KYAT1: variants seen among roughly 807,000 people sequenced by gnomAD.
KYAT1 encodes the protein kynurenine aminotransferase 1.
KYAT1 carries 47 observed loss-of-function variants against 52.4 expected under a neutral mutation model. That is an observed-to-expected ratio of 0.90 (90% CI 0.71 to 1.14). The LOEUF is 1.14. KYAT1 is among the 50% of genes most tolerant of loss of function. The pLI is 0.00. For missense variants in KYAT1, 480 were observed against 557.9 expected, an observed-to-expected ratio of 0.86 and a Z score of 1.41; for synonymous variants, 212 against 209.6, an observed-to-expected ratio of 1.01 and a Z score of -0.10.
chr9:128,836,791 G>C lies in KYAT1; in HGVS notation c.688+11C>G, dbSNP rs201449045. The C allele has an allele frequency of 6.2e-7, 1 of 1,612,032 alleles. No individual in the cohort carries two copies. Among genetic ancestry groups the C allele is most frequent in the Admixed American group, 1.7e-5 (1 of 59,908 alleles). The stretch of plus-strand genomic sequence containing the variant: ...TGTGCAGGGGAGGGGCCCCAGGCTG[G>C]CTTGGCTCACCAATGCTGATGTGCT... On this transcript the variant is annotated intron_variant, in intron 7 of 12. Transcript: ENST00000302586.
At chr9:128,833,911 C>A in intron 11 of KYAT1, 85 bp from the exon 12 acceptor site, 2 of 1,059,724 alleles carry the variant, frequency 1.9e-6, no homozygotes, top group East Asian at 4.8e-5. Context: ...GTTCCCACGA[C>A]CAGGCGGGGA....
At chr9:128,842,158 A>G in intron 3 of KYAT1, 1 of 307,562 alleles carries the variant, frequency 3.3e-6, no homozygotes, top group Middle Eastern at 1.1e-3. Context: ...GCACCATTGC[A>G]CTCCAGCCTG....
At chr9:128,867,806 T>C (rs1836616545) in intron 1 of KYAT1, among the ~76,000 whole-genome samples, 1 of 152,282 alleles carries the variant, frequency 6.6e-6, no homozygotes, top group Non-Finnish European at 1.5e-5. Flanking sequence ...GGAGTCTCGC[T>C]CTGTCGCCCA....
chr9:128,877,115 CTT>C (rs1838159948), intron 1 of KYAT1, among the ~76,000 whole-genome samples: 1 of 152,114 alleles, frequency 6.6e-6, no homozygotes, highest in South Asian at 2.1e-4. Context: ...CCAGGCTGGT[CTT>C]GAACTTCTGG....
Position 128,845,416 on chromosome 9 carries a change from A to C in KYAT1, c.-6-5T>G, listed in dbSNP as rs755237198. On this transcript the variant is annotated splice_region_variant and splice_polypyrimidine_tract_variant and intron_variant, in intron 1 of 12. Transcript: ENST00000302586. Reference sequence around the variant, plus strand: ...CAGCTGTTTGGCCATGGCGAGCTGGAGACGAACAAGTGGAAGGTCAGAGAT... The same window carrying C: ...CAGCTGTTTGGCCATGGCGAGCTGGCGACGAACAAGTGGAAGGTCAGAGAT... 1 of 1,613,472 alleles carries C rather than the reference A, an allele frequency of 6.2e-7. No homozygotes were observed. The highest frequency in any genetic ancestry group is 2.2e-5 in the East Asian group (1 of 44,880).
Position 128,838,042 on chromosome 9 carries a change from C to A in KYAT1, c.438+9G>T, listed in dbSNP as rs765279957. The A allele has an allele frequency of 5.6e-6, 9 of 1,613,534 alleles. No homozygotes were observed. The highest frequency in any genetic ancestry group is 3.3e-5 in the Admixed American group (2 of 59,998). On this transcript the variant is annotated intron_variant, in intron 5 of 12. Transcript: ENST00000302586. Reference sequence around the variant, plus strand: ...CTCTGCCCATCCATCCTCTACCTAGCATCCTTACCGGCTTCAGGGACACAA... The same window carrying A: ...CTCTGCCCATCCATCCTCTACCTAGAATCCTTACCGGCTTCAGGGACACAA...
At chr9:128,856,375 CA>C (rs1834592597) in intron 1 of KYAT1, among the ~76,000 whole-genome samples, 1 of 152,140 alleles carries the variant, frequency 6.6e-6, no homozygotes, top group Non-Finnish European at 1.5e-5. Flanking sequence ...GTGTATCCAG[CA>C]GCTCCAGAGA....
rs1836122117 is a variant in KYAT1 at position 128,865,332 on chromosome 9, TATATATATATA to T, written c.-7+16554_-7+16564del. On this transcript the variant is annotated intron_variant, in intron 1 of 12. Coordinates refer to ENST00000302586, the MANE Select transcript of KYAT1 (RefSeq NM_004059.5). ...ACATATATATATATATATATATATA[TATATATATATA>T]TATATATATATATATATTTTTTTTT... 6.8e-3 allele frequency among the ~76,000 whole-genome samples: 16 copies of T among 2,360 alleles called. 1 individual carries two copies. The highest frequency in any genetic ancestry group is 0.012 in the African/African-American group (15 of 1,252). 1.5% of individuals were successfully genotyped at this position (2,360 alleles called of 152,430 possible).
chr9:128,845,364 G>A lies in KYAT1; in HGVS notation c.42C>T (p.Asp14=), dbSNP rs772307284. ...QLQARRLDGI[D]YNPWVEFVKL... ...CCCAGCTGGCTCACCAGGGGTTGTA[G>A]TCGATCCCGTCTAGCCTTCGGGCCT... Residue 14 remains aspartate (D), a synonymous_variant, in exon 2 of 13, where the codon GAC becomes GAT. Coordinates refer to ENST00000302586, the MANE Select transcript of KYAT1 (RefSeq NM_004059.5). 1.4e-5 allele frequency: 22 copies of A among 1,613,722 alleles called. No individual in the cohort carries two copies. The highest frequency in any genetic ancestry group is 1.9e-5 in the Non-Finnish European group (22 of 1,179,990).
chr9:128,877,826 T>C (rs1000652862), intron 1 of KYAT1, among the ~76,000 whole-genome samples: 6 of 152,188 alleles, frequency 3.9e-5, no homozygotes, highest in African/African-American at 1.4e-4. Flanking sequence ...ATCCCTGGGC[T>C]TAAAATGCCA....
Position 128,842,646 on chromosome 9 carries a change from A to T in KYAT1, c.201+8T>A. ...CCCAGTGCCTCCACGAGAGATGGGGAGACTCACAAATGTCTTGGTGTACTG... is the reference window on the plus strand; with the variant it reads ...CCCAGTGCCTCCACGAGAGATGGGGTGACTCACAAATGTCTTGGTGTACTG... On this transcript the variant is annotated splice_region_variant and intron_variant, in intron 3 of 12. Transcript: ENST00000302586. The T allele has an allele frequency of 6.2e-7, 1 of 1,611,996 alleles. No individual in the cohort carries two copies. The highest frequency in any genetic ancestry group is 2.2e-5 in the East Asian group (1 of 44,794).
In KYAT1 at chr9:128,838,343, G is replaced by A. The variant is rs1409686190; in HGVS notation, c.226C>T (p.Leu76=). 6.2e-7 allele frequency: 1 copy of A among 1,614,156 alleles called. No homozygotes were observed. Among genetic ancestry groups the A allele is most frequent in the Admixed American group, 1.7e-5 (1 of 60,006 alleles). ...TFGYPPLTKI[L]ASFFGELLGQ... Reference sequence around the variant, plus strand: ...AGCAGCTCCCCAAAGAAACTTGCCAGGATCTTCGTCAGTGGTGGGTAACCC... The same window carrying A: ...AGCAGCTCCCCAAAGAAACTTGCCAAGATCTTCGTCAGTGGTGGGTAACCC... Residue 76 remains leucine, a synonymous_variant, in exon 4 of 13, where the codon CTG becomes TTG. Transcript: ENST00000302586.
At chr9:128,870,148 GA>G (rs2130783535) in intron 1 of KYAT1, among the ~76,000 whole-genome samples, 1 of 152,238 alleles carries the variant, frequency 6.6e-6, no homozygotes, top group Admixed American at 6.5e-5. Context: ...CAAAAGAACT[GA>G]AAACATATGT....
In KYAT1 at chr9:128,844,524, C is replaced by CA. The variant is rs879595477; in HGVS notation, c.53+828dup. Among the ~76,000 whole-genome samples, 795 of 118,524 alleles carry CA rather than the reference C, an allele frequency of 6.7e-3. 2 individuals carry two copies. The highest frequency in any genetic ancestry group is 0.014 in the African/African-American group (429 of 31,266). 77.8% of individuals were successfully genotyped at this position (118,524 alleles called of 152,430 possible). A position where few individuals can be genotyped will look rare whatever the true frequency, so the allele number is the denominator to read the frequency against. ...TGAAATCTCATCTCTACTAAAAATA[C>CA]AAAAAAAAAAAAAAAATTAGCTGGG... On this transcript the variant is annotated intron_variant, in intron 2 of 12. Coordinates refer to ENST00000302586, the MANE Select transcript of KYAT1 (RefSeq NM_004059.5).
At position 128,878,859 on chromosome 9, in the gene KYAT1, A is replaced by G. The variant is rs1838394159; in HGVS notation, c.-7+3038T>C. Among the ~76,000 whole-genome samples, 4 of 152,328 alleles carry G rather than the reference A, an allele frequency of 2.6e-5. No individual in the cohort carries two copies. In the South Asian group the frequency reaches 6.2e-4, roughly 24 times the overall value. Reference sequence around the variant, plus strand: ...AAAGGAACACACAACAGATAGGCAGATAGCCTCGCGGGAGCCTTGGAGGAG... The same window carrying G: ...AAAGGAACACACAACAGATAGGCAGGTAGCCTCGCGGGAGCCTTGGAGGAG... On this transcript the variant is annotated intron_variant, in intron 1 of 12. Transcript: ENST00000302586.
At chr9:128,869,464 A>G (rs1421263055) in intron 1 of KYAT1, among the ~76,000 whole-genome samples, 1 of 152,208 alleles carries the variant, frequency 6.6e-6, no homozygotes, top group Non-Finnish European at 1.5e-5. Context: ...CCCGGCACCA[A>G]GCCCATTTAA....
Position 128,844,012 on chromosome 9 carries a change from C to G in KYAT1, c.54-1211G>C, listed in dbSNP as rs929602548. 2.0e-5 allele frequency among the ~76,000 whole-genome samples: 3 copies of G among 152,188 alleles called. No homozygotes were observed. The East Asian group carries it at 5.8e-4, about 29-fold the overall frequency. ...CCAGCCAGCCTTTCTACTTCCATCT[C>G]AAGCAAAGTTTGATGCTCTTGACCC... On this transcript the variant is annotated intron_variant, in intron 2 of 12. Transcript: ENST00000302586.
intron 2 of KYAT1, among the ~76,000 whole-genome samples, 176 bp from the exon 3 acceptor site, chr9:128,842,977 G>T (rs1832465825): frequency 6.6e-6 from 1 of 152,140 alleles, no homozygotes; most frequent in African/African-American, 2.4e-5. Flanking sequence ...GACCAGCCTG[G>T]CCAACATGGT....
chr9:128,866,951 G>C (rs1163593463), intron 1 of KYAT1, among the ~76,000 whole-genome samples: 1 of 151,786 alleles, frequency 6.6e-6, no homozygotes, highest in Non-Finnish European at 1.5e-5. Context: ...CTGAAAATTA[G>C]TCATAATTAG....
Sources: allele counts gnomAD v4.1 joint callset (sites outside exome capture counted in the v4.1 genomes callset), GRCh38; gene constraint gnomAD v4.1.1; transcripts MANE v1.5; gene names NCBI Gene and HGNC (gene_info 2026-07-23, HGNC 2026-07-21).